Variants in DEF6 observed in about 807,000 individuals in gnomAD.
DEF6 encodes DEF6 guanine nucleotide exchange factor.
A neutral mutation model predicts 80.5 loss-of-function variants in DEF6; 32 were observed. That is an observed-to-expected ratio of 0.40 (90% CI 0.30 to 0.53). The LOEUF is 0.53. Ranked by LOEUF, DEF6 falls within the 20% of genes least tolerant of loss-of-function variation. The pLI is 0.57. For synonymous variants in DEF6, 300 were observed against 337.9 expected, an observed-to-expected ratio of 0.89 and a Z score of 1.23; for missense variants, 575 against 818.7, an observed-to-expected ratio of 0.70 and a Z score of 3.63.
intron 1 of DEF6, among the ~76,000 whole-genome samples, chr6:35,307,952 A>G (rs9296145): frequency 3.3e-5 from 5 of 152,156 alleles, no homozygotes; most frequent in Non-Finnish European, 2.9e-5. Flanking sequence ...GAAGCCCTTC[A>G]ATATAGCATG....
chr6:35,299,341 C>G (rs191819089), intron 1 of DEF6, among the ~76,000 whole-genome samples: 2 of 152,176 alleles, frequency 1.3e-5, no homozygotes, highest in African/African-American at 4.8e-5. Context: ...CTACCTCCCA[C>G]CCTGTCCCTT....
chr6:35,301,363 G>T lies in DEF6; in HGVS notation c.96+3411G>T, dbSNP rs1426120737. ...TGCAGAGCACTTGACTCAGAACCAC[G>T]CAGGCTTGGATCCGTACTGCTCCCC... is the stretch of plus-strand genomic sequence containing the variant. On this transcript the variant is annotated intron_variant, in intron 1 of 10. Coordinates refer to ENST00000316637, the MANE Select transcript of DEF6 (RefSeq NM_022047.4). 2.0e-5 allele frequency among the ~76,000 whole-genome samples: 3 copies of T among 152,176 alleles called. No individual in the cohort carries two copies. In the East Asian group the frequency reaches 5.8e-4, roughly 29 times the overall value.
intron 1 of DEF6, among the ~76,000 whole-genome samples, chr6:35,307,738 T>TA (rs1326623173): frequency 6.6e-6 from 1 of 151,960 alleles, no homozygotes; most frequent in African/African-American, 2.4e-5. Flanking sequence ...AAAAAGGAAA[T>TA]ACTCCCTTCC....
intron 9 of DEF6, among the ~76,000 whole-genome samples, chr6:35,320,458 G>A (rs948730802): frequency 6.6e-6 from 1 of 152,146 alleles, no homozygotes; most frequent in African/African-American, 2.4e-5. Context: ...CACTGCTAAT[G>A]GCTCCGTGAA....
rs1791592541 is a variant in DEF6 at position 35,321,463 on chromosome 6, C to T, written c.*53C>T. On this transcript the variant is annotated 3_prime_UTR_variant, in exon 11 of 11. Transcript: ENST00000316637. ...TGTCATATCCACCAGGACCTGGCCA[C>T]AGCTGGCCTGTGGGTGATCCCAGCT... 2.0e-5 allele frequency: 31 copies of T among 1,539,578 alleles called. No homozygotes were observed. The highest frequency in any genetic ancestry group is 9.3e-5 in the South Asian group (8 of 85,914).
chr6:35,310,489 T>G lies in DEF6; in HGVS notation c.268T>G (p.Phe90Val), dbSNP rs1400663763. Residue 90 changes from phenylalanine (F) to valine (V), a missense_variant, in exon 3 of 11, where the codon TTT (phenylalanine) becomes GTT (valine). Physicochemically the swap from Phe to Val is conservative, Grantham distance 50. Transcript: ENST00000316637. ...VEEGAFVKEHFDELCWTLTAK... is the reference protein window; with the variant it reads ...VEEGAFVKEHVDELCWTLTAK... ...GGAGGGGGCTTTTGTTAAAGAGCAC[T>G]TTGATGAGCTGTGCTGGACGCTGAC... 3 of 1,614,068 alleles carry G rather than the reference T, an allele frequency of 1.9e-6. No homozygotes were observed. The highest frequency in any genetic ancestry group is 2.5e-6 in the Non-Finnish European group (3 of 1,180,026).
rs2150387371 is a variant in DEF6, at chr6:35,312,357, G to A, written c.479G>A (p.Gly160Asp). The A allele has an allele frequency of 6.2e-7, 1 of 1,614,204 alleles. No homozygotes were observed. Among genetic ancestry groups the A allele is most frequent in the South Asian group, 1.1e-5 (1 of 91,082 alleles). Residue 160 changes from glycine to aspartate, a missense_variant, in exon 4 of 11, where the codon GGT becomes GAT. By Grantham distance (94) the Gly-to-Asp change is moderately conservative. Transcript: ENST00000316637. This position sits in a 1 kb window ranked among gnomAD's most constrained non-coding sequence, Gnocchi z 6.6. ...LSSMSLEVSL[G>D]ELEELLAQEA... is the part of the protein sequence containing the mutation. The stretch of plus-strand genomic sequence containing the variant: ...AGCATGAGCTTGGAGGTGAGCTTGG[G>A]TGAGCTGGAGGAGCTTCTGGCCCAG...
At chr6:35,303,170 C>T (rs189709189) in intron 1 of DEF6, among the ~76,000 whole-genome samples, 6 of 152,310 alleles carry the variant, frequency 3.9e-5, no homozygotes, top group Admixed American at 2.0e-4. Flanking sequence ...GTCCTACTAT[C>T]TGACAGCACG....
chr6:35,316,596 G>A (rs1791527511), intron 5 of DEF6, among the ~76,000 whole-genome samples: 1 of 152,088 alleles, frequency 6.6e-6, no homozygotes, highest in African/African-American at 2.4e-5. Context: ...CAATATTTTA[G>A]GGCTTTTATA....
intron 5 of DEF6, among the ~76,000 whole-genome samples, chr6:35,314,407 C>CAA (rs34185807): frequency 2.9e-4 from 29 of 99,236 alleles, no homozygotes; most frequent in African/African-American, 8.2e-4. Flanking sequence ...AACTCTATCT[C>CAA]AAAAAAAAAA....
chr6:35,311,951 C>A (rs748123855), intron 3 of DEF6, among the ~76,000 whole-genome samples: 1 of 152,170 alleles, frequency 6.6e-6, no homozygotes, highest in Non-Finnish European at 1.5e-5. Flanking sequence ...TGGTCATCTG[C>A]AAAATGAGTG....
In DEF6 at chr6:35,312,239, C is replaced by T; in HGVS notation, c.424-63C>T. On this transcript the variant is annotated intron_variant, in intron 3 of 10. Coordinates refer to ENST00000316637, the MANE Select transcript of DEF6 (RefSeq NM_022047.4). This position sits in a 1 kb window ranked among gnomAD's most constrained non-coding sequence, Gnocchi z 6.6. ...GCTCTGGGAGCCAGATAGAGCACTC[C>T]CTGGTGTTGGTGCTGGCAACACCAC... 2 of 1,417,180 alleles carry T rather than the reference C, an allele frequency of 1.4e-6. No individual in the cohort carries two copies. 87.8% of individuals were successfully genotyped at this position (1,417,180 alleles called of 1,614,324 possible). A position where few individuals can be genotyped will look rare whatever the true frequency, so the allele number is the denominator to read the frequency against.
chr6:35,308,672 CAAAAT>C (rs36231574), intron 1 of DEF6, among the ~76,000 whole-genome samples: 13,285 of 115,394 alleles, frequency 0.12, 915 homozygotes, highest in East Asian at 0.3. Context: ...GACTCCGTCT[CAAAAT>C]AAAATAAAAT....
At chr6:35,317,644 C>G (rs181063775) in intron 5 of DEF6, 172 of 453,012 alleles carry the variant, frequency 3.8e-4, no homozygotes, top group African/African-American at 3.2e-3. Flanking sequence ...CGATTATGTA[C>G]TGGGCCCCGT....
intron 1 of DEF6, among the ~76,000 whole-genome samples, chr6:35,308,475 C>T (rs900561460): frequency 5.3e-5 from 8 of 151,926 alleles, no homozygotes; most frequent in South Asian, 4.1e-4. Flanking sequence ...GAGTTCGAGG[C>T]CAGCCTGGCC....
chr6:35,321,625 C>T lies in DEF6; in HGVS notation c.*215C>T, dbSNP rs892372361. 8.6e-6 allele frequency: 4 copies of T among 462,608 alleles called. No individual in the cohort carries two copies. Among genetic ancestry groups the T allele is most frequent in the Non-Finnish European group, 1.1e-5 (3 of 262,940 alleles). 28.7% of individuals were successfully genotyped at this position (462,608 alleles called of 1,614,324 possible). On this transcript the variant is annotated 3_prime_UTR_variant, in exon 11 of 11. Transcript: ENST00000316637. ...CATGGGAGCTGTCTGGGATGTTGAT[C>T]CTTGAGAACTTGGCCCTGTGCTTTA...
intron 1 of DEF6, among the ~76,000 whole-genome samples, chr6:35,302,488 A>G (rs1035046446): frequency 2.6e-5 from 4 of 152,196 alleles, no homozygotes; most frequent in African/African-American, 9.7e-5. Context: ...TGTTGCCAAC[A>G]TGGACCTGAC....
chr6:35,308,350 T>G (rs1195568721), intron 1 of DEF6, among the ~76,000 whole-genome samples: 1 of 148,236 alleles, frequency 6.7e-6, no homozygotes, highest in Non-Finnish European at 1.5e-5. Flanking sequence ...GGGCAACATA[T>G]GCAGACCTCT....
At chr6:35,301,048 G>A (rs1227774641) in intron 1 of DEF6, among the ~76,000 whole-genome samples, 2 of 152,130 alleles carry the variant, frequency 1.3e-5, no homozygotes, top group Non-Finnish European at 2.9e-5. Context: ...TGGGGGAAGG[G>A]AGGGAGGGTA....
Sources: allele counts gnomAD v4.1 joint callset (sites outside exome capture counted in the v4.1 genomes callset), GRCh38; gene constraint gnomAD v4.1.1; non-coding constraint Gnocchi (gnomAD v3.1); transcripts MANE v1.5; gene names NCBI Gene and HGNC (gene_info 2026-07-23, HGNC 2026-07-21).